Variants in MYO16 observed in about 807,000 individuals in gnomAD.
The protein encoded by MYO16 is unconventional myosin-XVI.
In MYO16, 94 loss-of-function variants were observed where a neutral mutation model predicts 205.3. The ratio of observed to expected loss-of-function variants is 0.46; its 90% CI spans 0.39 to 0.54. MYO16 has a LOEUF of 0.54. MYO16 is among the 20% of genes least tolerant of loss of function. The probability of loss-of-function intolerance (pLI) is 0.00; values close to 1 mark genes in which losing one functional copy is unlikely to be tolerated. For synonymous variants in MYO16, 988 were observed against 954.0 expected, an observed-to-expected ratio of 1.04 and a Z score of -0.66; for missense variants, 2,315 against 2,387.5, an observed-to-expected ratio of 0.97 and a Z score of 0.63.
chr13:108,714,136 A>C (rs1033017631), intron 3 of MYO16, among the ~76,000 whole-genome samples: 5 of 152,224 alleles, frequency 3.3e-5, no homozygotes, highest in Admixed American at 6.5e-5. Flanking sequence ...GGCTCACTGC[A>C]AGCTCCGTCT....
chr13:109,081,529 C>T (rs1351272916), intron 27 of MYO16, among the ~76,000 whole-genome samples: 2 of 152,176 alleles, frequency 1.3e-5, no homozygotes, highest in Non-Finnish European at 2.9e-5. Context: ...AGGAGAATAG[C>T]ATGATACCTC....
At chr13:108,966,514 C>T (rs1452180436) in intron 20 of MYO16, among the ~76,000 whole-genome samples, 1 of 152,144 alleles carries the variant, frequency 6.6e-6, no homozygotes, top group Non-Finnish European at 1.5e-5. Context: ...GTGGAAAACA[C>T]ATTATTTGTC....
chr13:109,181,424 T>C (rs1046458163), intron 34 of MYO16, among the ~76,000 whole-genome samples: 3 of 152,250 alleles, frequency 2.0e-5, no homozygotes, highest in African/African-American at 4.8e-5. Flanking sequence ...TATGGACACA[T>C]GCAGGGAACC....
At chr13:108,630,496 G>C (rs897034614) in intron 1 of MYO16, among the ~76,000 whole-genome samples, 12 of 152,180 alleles carry the variant, frequency 7.9e-5, no homozygotes, top group Admixed American at 5.2e-4. Flanking sequence ...TTTAGCGTCT[G>C]AAATTTTGGC....
intron 27 of MYO16, among the ~76,000 whole-genome samples, chr13:109,064,414 G>C (rs541804655): frequency 1.7e-3 from 262 of 152,210 alleles, no homozygotes; most frequent in African/African-American, 6.0e-3. Context: ...TCTAATGTTG[G>C]TCTCATTCTT....
the MYO16 span, among the ~76,000 whole-genome samples, chr13:108,583,306 A>G: frequency 1.3e-5 from 2 of 152,206 alleles, no homozygotes; most frequent in Non-Finnish European, 2.9e-5. Context: ...CTGGAGATGG[A>G]ATAAAGACTC....
intron 1 of MYO16, among the ~76,000 whole-genome samples, chr13:108,608,045 A>G (rs562174406): frequency 5.3e-5 from 8 of 152,316 alleles, no homozygotes; most frequent in African/African-American, 1.9e-4. Flanking sequence ...TTTCTCAGCT[A>G]GTTGGGATCT....
intron 4 of MYO16, among the ~76,000 whole-genome samples, chr13:108,755,032 A>G (rs1199326671): frequency 6.6e-6 from 1 of 152,162 alleles, no homozygotes; most frequent in Non-Finnish European, 1.5e-5. Context: ...AGTTTTGATG[A>G]CAATAAATGT....
chr13:109,165,554 G>A (rs762496339), intron 33 of MYO16, among the ~76,000 whole-genome samples: 224 of 152,286 alleles, frequency 1.5e-3, no homozygotes, highest in African/African-American at 4.8e-3. Flanking sequence ...AGACAAAGGC[G>A]TCTGGGAATA....
intron 1 of MYO16, among the ~76,000 whole-genome samples, chr13:108,603,193 G>A (rs767916755): frequency 4.6e-5 from 7 of 152,186 alleles, no homozygotes; most frequent in African/African-American, 7.2e-5. Context: ...TCATGATTGT[G>A]TTGGAGATGA....
At chr13:108,758,680 T>C (rs1336536906) in intron 4 of MYO16, among the ~76,000 whole-genome samples, 3 of 152,214 alleles carry the variant, frequency 2.0e-5, no homozygotes, top group Non-Finnish European at 4.4e-5. Context: ...TTATTCAATT[T>C]AGAACTCATC....
At chr13:108,531,204 G>A in the MYO16 span, among the ~76,000 whole-genome samples, 1 of 152,194 alleles carries the variant, frequency 6.6e-6, no homozygotes, top group South Asian at 2.1e-4. Context: ...GTCAGAGTAT[G>A]CAGGGCTTTG....
the MYO16 span, among the ~76,000 whole-genome samples, chr13:108,545,797 G>A: frequency 1.3e-5 from 2 of 152,186 alleles, no homozygotes; most frequent in Admixed American, 6.5e-5. Flanking sequence ...GTATTTGGTA[G>A]CAATGAAGAC....
chr13:108,649,623 T>C (rs1367701342), intron 1 of MYO16, among the ~76,000 whole-genome samples: 3 of 152,232 alleles, frequency 2.0e-5, no homozygotes, highest in African/African-American at 4.8e-5. Context: ...GGTAGAACCA[T>C]TGACTATTTC....
At chr13:108,827,094 T>C (rs1876313752) in intron 9 of MYO16, among the ~76,000 whole-genome samples, 1 of 152,112 alleles carries the variant, frequency 6.6e-6, no homozygotes, top group Non-Finnish European at 1.5e-5. Context: ...TACATAAATA[T>C]TCATAGGAGT....
chr13:108,738,308 G>A (rs1372875436), intron 4 of MYO16, among the ~76,000 whole-genome samples: 1 of 152,186 alleles, frequency 6.6e-6, no homozygotes, highest in African/African-American at 2.4e-5. Context: ...TGCTTTAAAT[G>A]TGTCCCAGAG....
chr13:109,087,279 G>A (rs1050223121), intron 27 of MYO16, among the ~76,000 whole-genome samples: 4 of 152,214 alleles, frequency 2.6e-5, no homozygotes, highest in African/African-American at 4.8e-5. Flanking sequence ...GATTCATATG[G>A]TAGTGAGTAA....
intron 15 of MYO16, among the ~76,000 whole-genome samples, chr13:108,903,633 A>C (rs1460479045): frequency 6.6e-6 from 1 of 152,218 alleles, no homozygotes; most frequent in Non-Finnish European, 1.5e-5. Flanking sequence ...TCACTGCTCA[A>C]AAAAATAGGC....
chr13:108,815,730 A>G (rs1179362853), intron 7 of MYO16, among the ~76,000 whole-genome samples: 1 of 152,218 alleles, frequency 6.6e-6, no homozygotes, highest in Non-Finnish European at 1.5e-5. Context: ...GTAGCTACCT[A>G]TTTAAAACAA....
Sources: allele counts gnomAD v4.1 joint callset (sites outside exome capture counted in the v4.1 genomes callset), GRCh38; gene constraint gnomAD v4.1.1; transcripts MANE v1.5; gene names NCBI Gene and HGNC (gene_info 2026-07-23, HGNC 2026-07-21).